The following ARHGAP23 variants were observed in gnomAD, a reference collection of about 807,000 sequenced individuals.
ARHGAP23 encodes Rho GTPase activating protein 23.
In ARHGAP23, 34 loss-of-function variants were observed where a neutral mutation model predicts 136.3. That is an observed-to-expected ratio of 0.25 (90% CI 0.19 to 0.33). The LOEUF is 0.33. ARHGAP23 is among the 10% of genes least tolerant of loss of function. The pLI, the probability that ARHGAP23 is intolerant of heterozygous loss-of-function variation, is 1.00. For synonymous variants in ARHGAP23, 832 were observed against 920.5 expected (o/e 0.90, Z 1.74); for missense variants, 1,808 against 2,139.0 (o/e 0.85, Z 3.05).
intron 20 of ARHGAP23, among the ~76,000 whole-genome samples, chr17:38,494,274 T>C (rs2040341333): frequency 6.6e-6 from 1 of 152,190 alleles, no homozygotes; most frequent in Non-Finnish European, 1.5e-5. Flanking sequence ...TTACCTCACA[T>C]CGTTGTGAAT....
intron 23 of ARHGAP23, among the ~76,000 whole-genome samples, chr17:38,504,857 C>T (rs2040594919): frequency 6.6e-6 from 1 of 152,066 alleles, no homozygotes; most frequent in African/African-American, 2.4e-5. Context: ...CTGATCTTGC[C>T]TCCCTGTGTG....
At chr17:38,467,896 C>T (rs1184679975) in intron 7 of ARHGAP23, among the ~76,000 whole-genome samples, 3 of 152,162 alleles carry the variant, frequency 2.0e-5, no homozygotes, top group Non-Finnish European at 2.9e-5. Flanking sequence ...ATCCCTCCAT[C>T]GACTCAACAG....
chr17:38,465,371 G>GGT (rs1022250451), intron 6 of ARHGAP23, among the ~76,000 whole-genome samples: 5 of 151,224 alleles, frequency 3.3e-5, no homozygotes, highest in African/African-American at 7.4e-5. Flanking sequence ...CTTGTAGTGT[G>GGT]GTGTGTGTGT....
At chr17:38,501,591 G>A (rs2040522670) in intron 23 of ARHGAP23, among the ~76,000 whole-genome samples, 1 of 152,090 alleles carries the variant, frequency 6.6e-6, no homozygotes, top group Non-Finnish European at 1.5e-5. Flanking sequence ...GTGAGTCACT[G>A]CGCCTGGCTA....
intron 20 of ARHGAP23, among the ~76,000 whole-genome samples, chr17:38,492,036 G>GGGCCTT (rs1304513311): frequency 6.6e-6 from 1 of 152,214 alleles, no homozygotes. Flanking sequence ...GCAGGGCACA[G>GGGCCTT]GGCCTTGGCC....
chr17:38,453,776 CCGGGCCCCGGGCCCG>C (rs1030052657), intron 1 of ARHGAP23: 20 of 145,480 alleles, frequency 1.4e-4, no homozygotes, highest in African/African-American at 4.0e-4. Flanking sequence ...TTCGGGGCCC[CCGGGCCCCGGGCCCG>C]CGGCTCCGGG....
chr17:38,510,043 C>CG lies in ARHGAP23; in HGVS notation c.3552dup (p.Leu1185AlafsTer81). 1 of 1,243,766 alleles carries CG rather than the reference C, an allele frequency of 8.0e-7. No homozygotes were observed. Among genetic ancestry groups the CG allele is most frequent in the South Asian group, 3.8e-5 (1 of 26,382 alleles). 77.0% of individuals were successfully genotyped at this position (1,243,766 alleles called of 1,614,324 possible). ...CAAGCGCAAGAAGCGGCGGGAGGCG[C>CG]GGGGGCTGGGCAGCAGCACCGACGA... On this transcript the variant is annotated frameshift_variant, in exon 24 of 24. Transcript: ENST00000622683. LOFTEE classifies it high-confidence loss of function. The surrounding 1 kb of genome is among the most constrained non-coding windows in gnomAD (Gnocchi z 4.6).
intron 1 of ARHGAP23, among the ~76,000 whole-genome samples, chr17:38,440,352 A>G (rs534887419): frequency 2.8e-4 from 43 of 152,316 alleles, no homozygotes; most frequent in Non-Finnish European, 3.2e-4. Context: ...TATGCCCTAC[A>G]GCACCTTTAT....
intron 18 of ARHGAP23, 139 bp downstream of exon 18, chr17:38,490,314 C>T: frequency 8.8e-7 from 1 of 1,130,514 alleles, no homozygotes; most frequent in South Asian, 1.4e-5. Context: ...CCTCAGTTTC[C>T]CCGTCCATAC....
At chr17:38,473,852 T>G (rs887685541) in intron 11 of ARHGAP23, among the ~76,000 whole-genome samples, 17 of 152,062 alleles carry the variant, frequency 1.1e-4, no homozygotes, top group African/African-American at 4.1e-4. Context: ...AGCTGGGGAA[T>G]TGGGTGCCTG....
In ARHGAP23 at chr17:38,447,777, CT is replaced by C. The variant is rs536811680; in HGVS notation, c.64-10324del. On this transcript the variant is annotated intron_variant, in intron 1 of 23. Coordinates refer to ENST00000622683, the MANE Select transcript of ARHGAP23 (RefSeq NM_001199417.2). ...TGGAGACCCCAGAGACAGCCAAGGG[CT>C]GCTGAGTGGGTAAATCAGGGGTACG... Among the ~76,000 whole-genome samples, 364 of 151,048 alleles carry C rather than the reference CT, an allele frequency of 2.4e-3. 1 individual carries two copies. Among genetic ancestry groups the C allele is most frequent in the African/African-American group, 8.7e-3 (352 of 40,508 alleles).
At chr17:38,425,013 G>T (rs910414869), upstream of ARHGAP23, among the ~76,000 whole-genome samples, 1 of 152,136 alleles carries the variant, frequency 6.6e-6, no homozygotes. Flanking sequence ...TGTTGCCCCT[G>T]CCCCTTGCTT....
At position 38,510,994 on chromosome 17, in the gene ARHGAP23, G is replaced by T. The variant is rs1253293491; in HGVS notation, c.*22G>T. The stretch of plus-strand genomic sequence containing the variant: ...GTGATCCCCACCTCCCGCGCCGCTC[G>T]GGCGCCACCCCTCCCTAGAGCCCCT... On this transcript the variant is annotated 3_prime_UTR_variant, in exon 24 of 24. Coordinates refer to ENST00000622683, the MANE Select transcript of ARHGAP23 (RefSeq NM_001199417.2). This position sits in a 1 kb window ranked among gnomAD's most constrained non-coding sequence, Gnocchi z 4.6. 7 of 1,405,204 alleles carry T rather than the reference G, an allele frequency of 5.0e-6. No homozygotes were observed. The highest frequency in any genetic ancestry group is 5.5e-6 in the Non-Finnish European group (6 of 1,093,456). 87.0% of individuals were successfully genotyped at this position (1,405,204 alleles called of 1,614,324 possible). A position where few individuals can be genotyped will look rare whatever the true frequency, so the allele number is the denominator to read the frequency against.
At chr17:38,509,644 C>G (rs1027674138) in intron 23 of ARHGAP23, among the ~76,000 whole-genome samples, 2 of 152,178 alleles carry the variant, frequency 1.3e-5, no homozygotes, top group African/African-American at 4.8e-5. Context: ...TCACCAGAGC[C>G]GTGTCTAAAG....
At chr17:38,504,253 T>G (rs1485208893) in intron 23 of ARHGAP23, among the ~76,000 whole-genome samples, 3 of 152,214 alleles carry the variant, frequency 2.0e-5, no homozygotes, top group Non-Finnish European at 4.4e-5. Context: ...CAGACGAGGC[T>G]GCCGGTCTAT....
chr17:38,510,205 G>A lies in ARHGAP23; in HGVS notation c.3709G>A (p.Glu1237Lys). The change falls in exon 24 of 24, where the codon GAG (glutamate) becomes AAG (lysine). Residue 1237 changes from glutamate to lysine, a missense_variant. Glu to Lys is a moderately conservative substitution (Grantham distance 56). Coordinates refer to ENST00000622683, the MANE Select transcript of ARHGAP23 (RefSeq NM_001199417.2). The surrounding 1 kb of genome is among the most constrained non-coding windows in gnomAD (Gnocchi z 4.6). ...GRLSPPAAPE[E>K]RPAADTRSIV... is the part of the protein sequence containing the mutation. ...CCTCAGTCCCCCGGCGGCGCCGGAG[G>A]AGCGGCCGGCCGCGGACACGCGCTC... 5 of 1,367,646 alleles carry A rather than the reference G, an allele frequency of 3.7e-6. No homozygotes were observed. The highest frequency in any genetic ancestry group is 1.8e-5 in the South Asian group (1 of 54,946). 84.7% of individuals were successfully genotyped at this position (1,367,646 alleles called of 1,614,324 possible). A position where few individuals can be genotyped will look rare whatever the true frequency, so the allele number is the denominator to read the frequency against.
chr17:38,420,730 GC>G (rs1476419441), intron 1 of ARHGAP23, among the ~76,000 whole-genome samples: 1 of 152,122 alleles, frequency 6.6e-6, no homozygotes, highest in Non-Finnish European at 1.5e-5. Context: ...CAGTTTCCAG[GC>G]CTGTTTGGCA....
At chr17:38,419,689 A>T (rs2144451715) in intron 1 of ARHGAP23, among the ~76,000 whole-genome samples, 1 of 152,204 alleles carries the variant, frequency 6.6e-6, no homozygotes, top group East Asian at 1.9e-4. Flanking sequence ...TTCCAGAAAG[A>T]GATCACCCAC....
intron 14 of ARHGAP23, among the ~76,000 whole-genome samples, 177 bp from the exon 15 acceptor site, chr17:38,481,845 G>A (rs2144718754): frequency 1.3e-5 from 2 of 152,236 alleles, no homozygotes; most frequent in South Asian, 4.1e-4. Flanking sequence ...TCTCCTTTGG[G>A]GTAAGCATCC....
Sources: allele counts gnomAD v4.1 joint callset (sites outside exome capture counted in the v4.1 genomes callset), GRCh38; gene constraint gnomAD v4.1.1; non-coding constraint Gnocchi (gnomAD v3.1); transcripts MANE v1.5; gene names NCBI Gene and HGNC (gene_info 2026-07-23, HGNC 2026-07-21).